The following SP6 variants were observed in gnomAD, a reference collection of about 807,000 sequenced individuals.
The protein encoded by SP6 is transcription factor Sp6.
Under a neutral mutation model 23.4 loss-of-function variants are expected in SP6, and 10 were observed. That is an observed-to-expected ratio of 0.43 (90% CI 0.26 to 0.72). The LOEUF is 0.72. SP6 is among the 30% of genes least tolerant of loss of function. The pLI, the probability that SP6 is intolerant of heterozygous loss-of-function variation, is 0.23. For missense variants in SP6, 482 were observed against 523.8 expected (o/e 0.92, Z 0.78); for synonymous variants, 238 against 238.7 (o/e 1.00, Z 0.03).
chr17:47,850,769 A>G (rs968108801), intron 1 of SP6, 150 bp downstream of exon 1: 1 of 152,318 alleles, frequency 6.6e-6, no homozygotes, highest in African/African-American at 2.4e-5. Context: ...CCGTCCGCCC[A>G]GTTTTCCCTC....
At position 47,848,444 on chromosome 17, in the gene SP6, G is replaced by A. The variant is rs2033921506; in HGVS notation, c.-15C>T. 3 of 1,491,594 alleles carry A rather than the reference G, an allele frequency of 2.0e-6. No homozygotes were observed. The highest frequency in any genetic ancestry group is 2.7e-6 in the Non-Finnish European group (3 of 1,117,018). The allele number at this position is 1,491,594 out of a possible 1,614,324, so 92.4% of individuals were successfully genotyped here. A position where few individuals can be genotyped will look rare whatever the true frequency, so the allele number is the denominator to read the frequency against. ...GCGGTTAGCATTGCCGGGATCCGGG[G>A]TGGGGTGAGGGCAGGGACGGTCAGG... On this transcript the variant is annotated 5_prime_UTR_variant, in exon 2 of 2. Coordinates refer to ENST00000536300, the MANE Select transcript of SP6 (RefSeq NM_001258248.2). The surrounding 1 kb of genome is among the most constrained non-coding windows in gnomAD (Gnocchi z 5.3).
chr17:47,848,481 C>A lies in SP6; in HGVS notation c.-52G>T. 1 of 1,440,944 alleles carries A rather than the reference C, an allele frequency of 6.9e-7. No homozygotes were observed. Among genetic ancestry groups the A allele is most frequent in the Non-Finnish European group, 9.2e-7 (1 of 1,088,932 alleles). The allele number at this position is 1,440,944 out of a possible 1,614,324, so 89.3% of individuals were successfully genotyped here. On this transcript the variant is annotated 5_prime_UTR_variant, in exon 2 of 2. Coordinates refer to ENST00000536300, the MANE Select transcript of SP6 (RefSeq NM_001258248.2). This position sits in a 1 kb window ranked among gnomAD's most constrained non-coding sequence, Gnocchi z 5.3. Reference sequence around the variant, plus strand: ...CAGGGACGGTCAGGGGCACCTCAGACGGGACCTAAAGGAGGCGAAGAAGCA... The same window carrying A: ...CAGGGACGGTCAGGGGCACCTCAGAAGGGACCTAAAGGAGGCGAAGAAGCA...
At chr17:47,851,164 G>A (rs139118363), upstream of SP6, 335 of 152,526 alleles carry the variant, frequency 2.2e-3, 4 homozygotes, top group East Asian at 0.037. Context: ...CGCGCTCTCT[G>A]CCTTCATCCT....
chr17:47,855,166 C>T (rs2033989304), upstream of SP6, among the ~76,000 whole-genome samples: 1 of 152,292 alleles, frequency 6.6e-6, no homozygotes, highest in South Asian at 2.1e-4. Context: ...ATGAACCCAC[C>T]TGAGGATAGT....
chr17:47,865,855 C>T, the SP6 span, among the ~76,000 whole-genome samples: 2 of 152,152 alleles, frequency 1.3e-5, no homozygotes, highest in East Asian at 3.9e-4. Flanking sequence ...CTCTCCTGGT[C>T]TTCGCTTTGA....
the SP6 span, among the ~76,000 whole-genome samples, chr17:47,867,755 T>C: frequency 1.3e-5 from 2 of 152,194 alleles, no homozygotes; most frequent in Non-Finnish European, 2.9e-5. Flanking sequence ...TGCCCCATTC[T>C]GGGGAAGAAA....
Position 47,847,367 on chromosome 17 carries a change from C to T in SP6, c.1063G>A (p.Gly355Ser). The change falls in exon 2 of 2, where the codon GGC becomes AGC. Residue 355 changes from glycine (G) to serine (S), a missense_variant. Gly to Ser is a moderately conservative substitution (Grantham distance 56). This residue lies in a region of SP6 where 101 missense variants were observed against 99.3 expected (regional missense o/e 1.02). Coordinates refer to ENST00000536300, the MANE Select transcript of SP6 (RefSeq NM_001258248.2). The part of the protein sequence containing the change: ...GAASGEGKAG[G>S]AVEPPGGKGK... ...TTGCCCCCGGGGGGCTCCACTGCGC[C>T]GCCGGCCTTGCCCTCTCCCGAGGCC... The T allele has an allele frequency of 6.2e-7, 1 of 1,608,534 alleles. No individual in the cohort carries two copies. Among genetic ancestry groups the T allele is most frequent in the Non-Finnish European group, 8.5e-7 (1 of 1,177,622 alleles).
chr17:47,850,598 C>T (rs2033943946), intron 1 of SP6, among the ~76,000 whole-genome samples: 1 of 152,228 alleles, frequency 6.6e-6, no homozygotes, highest in Non-Finnish European at 1.5e-5. Flanking sequence ...CTTCTCGCTC[C>T]CCGAAGTGGG....
chr17:47,859,054 C>T (rs1026360050), upstream of SP6, among the ~76,000 whole-genome samples: 4 of 152,062 alleles, frequency 2.6e-5, no homozygotes, highest in East Asian at 3.9e-4. Flanking sequence ...GGATTACAGG[C>T]GTGAGATATG....
chr17:47,847,921 G>C lies in SP6; in HGVS notation c.509C>G (p.Ala170Gly). Residue 170 changes from alanine (A) to glycine (G), a missense_variant, in exon 2 of 2, where the codon GCG (alanine) becomes GGG (glycine). Around this residue, in one of 3 missense-constraint regions of SP6, gnomAD observed 330 missense variants for 332.3 expected, o/e 0.99. Coordinates refer to ENST00000536300, the MANE Select transcript of SP6 (RefSeq NM_001258248.2). ...QLCAPPPHPH[A>G]HHLLPAAGGQ... ...TCCGGCAGCTGGAAGGAGGTGGTGC[G>C]CATGCGGGTGGGGTGGCGGGGCACA... The C allele has an allele frequency of 6.4e-7, 1 of 1,566,014 alleles. No homozygotes were observed. Among genetic ancestry groups the C allele is most frequent in the Non-Finnish European group, 8.7e-7 (1 of 1,155,462 alleles).
rs1179884841 is a variant in SP6 at position 47,845,827 on chromosome 17, G to A, written c.*1472C>T. The A allele has an allele frequency of 6.6e-6, 1 of 152,264 alleles. No individual in the cohort carries two copies. Among genetic ancestry groups the A allele is most frequent in the Non-Finnish European group, 1.5e-5 (1 of 68,066 alleles). 9.4% of individuals were successfully genotyped at this position (152,264 alleles called of 1,614,324 possible). On this transcript the variant is annotated 3_prime_UTR_variant, in exon 2 of 2. Coordinates refer to ENST00000536300, the MANE Select transcript of SP6 (RefSeq NM_001258248.2). Reference sequence around the variant, plus strand: ...GAAGAAAGGGAGCGAGGGGAAGGGGGAGGGGTGTCAGAGGGACTGTAAGGC... The same window carrying A: ...GAAGAAAGGGAGCGAGGGGAAGGGGAAGGGGTGTCAGAGGGACTGTAAGGC...
In SP6 at chr17:47,845,094, C is replaced by G. The variant is rs1315198287; in HGVS notation, c.*2205G>C. 2 of 152,236 alleles carry G rather than the reference C, an allele frequency of 1.3e-5. No individual in the cohort carries two copies. Among genetic ancestry groups the G allele is most frequent in the African/African-American group, 4.8e-5 (2 of 41,442 alleles). 9.4% of individuals were successfully genotyped at this position (152,236 alleles called of 1,614,324 possible). A position where few individuals can be genotyped will look rare whatever the true frequency, so the allele number is the denominator to read the frequency against. On this transcript the variant is annotated 3_prime_UTR_variant, in exon 2 of 2. Coordinates refer to ENST00000536300, the MANE Select transcript of SP6 (RefSeq NM_001258248.2). The stretch of plus-strand genomic sequence containing the variant: ...TATAAAAGAGGGGAGCAGAAGAAAA[C>G]CTATCCAAAGCCTCTACCCGCATAC...
At chr17:47,865,118 G>C in the SP6 span, 1 of 152,370 alleles carries the variant, frequency 6.6e-6, no homozygotes, top group African/African-American at 2.4e-5. Flanking sequence ...TACTTCAAAC[G>C]AATTCGTTTC....
upstream of SP6, among the ~76,000 whole-genome samples, chr17:47,854,408 G>C (rs2033983618): frequency 6.6e-6 from 1 of 152,192 alleles, no homozygotes; most frequent in African/African-American, 2.4e-5. Flanking sequence ...CAAGATTACA[G>C]AGTTGTTAAA....
the SP6 span, among the ~76,000 whole-genome samples, chr17:47,874,458 G>C: frequency 5.3e-5 from 8 of 152,128 alleles, no homozygotes; most frequent in African/African-American, 7.2e-5. Flanking sequence ...TGTAATTCCA[G>C]GTATTTGGGA....
chr17:47,873,307 C>T, the SP6 span, among the ~76,000 whole-genome samples: 1 of 152,140 alleles, frequency 6.6e-6, no homozygotes, highest in African/African-American at 2.4e-5. Context: ...CACCTGGGAC[C>T]CATCTGCAAA....
upstream of SP6, among the ~76,000 whole-genome samples, chr17:47,852,300 C>T (rs976970611): frequency 6.6e-5 from 10 of 152,156 alleles, no homozygotes; most frequent in Admixed American, 1.3e-4. Context: ...TCGACATTTC[C>T]GAGACCCGCA....
At chr17:47,874,544 AAG>A in the SP6 span, among the ~76,000 whole-genome samples, 2 of 152,240 alleles carry the variant, frequency 1.3e-5, no homozygotes, top group East Asian at 3.9e-4. Flanking sequence ...TCCTTTCTAA[AAG>A]AAGAAAAAAC....
At position 47,846,160 on chromosome 17, in the gene SP6, C is replaced by T. The variant is rs900907279; in HGVS notation, c.*1139G>A. On this transcript the variant is annotated 3_prime_UTR_variant, in exon 2 of 2. Coordinates refer to ENST00000536300, the MANE Select transcript of SP6 (RefSeq NM_001258248.2). ...AGGAAGGAATCCCCTAATGAACATG[C>T]TATGGCAGGGGCAAGGGAAAGACAA... 7 of 152,176 alleles carry T rather than the reference C, an allele frequency of 4.6e-5. No individual in the cohort carries two copies. The highest frequency in any genetic ancestry group is 1.0e-4 in the Non-Finnish European group (7 of 68,030). 9.4% of individuals were successfully genotyped at this position (152,176 alleles called of 1,614,324 possible).
Sources: gnomAD v4.1 joint callset for allele counts (sites outside exome capture counted in the v4.1 genomes callset) on GRCh38, gnomAD v4.1.1 for gene constraint, gnomAD v4.1.1 regional missense constraint, Gnocchi (gnomAD v3.1) non-coding constraint, MANE v1.5 for transcripts, NCBI Gene and HGNC (gene_info 2026-07-23, HGNC 2026-07-21) for gene names.